Variants in CCDC102B observed in about 807,000 individuals in gnomAD.
CCDC102B encodes the protein coiled-coil domain-containing protein 102B.
A neutral mutation model predicts 57.4 loss-of-function variants in CCDC102B; 75 were observed. The observed-to-expected ratio is 1.31, with a 90% CI of 1.08 to 1.58. The LOEUF is 1.58. CCDC102B is among the 40% of genes most tolerant of loss of function. The pLI is 0.00. For missense variants in CCDC102B, 636 were observed against 582.6 expected, an observed-to-expected ratio of 1.09 and a Z score of -0.94; for synonymous variants, 206 against 201.9, an observed-to-expected ratio of 1.02 and a Z score of -0.17.
At chr18:68,808,647 T>G (rs534243445) in intron 1 of CCDC102B, among the ~76,000 whole-genome samples, 13 of 151,864 alleles carry the variant, frequency 8.6e-5, no homozygotes, top group Non-Finnish European at 1.9e-4. Flanking sequence ...CCGGATAATT[T>G]TTTTGTATTT....
intron 6 of CCDC102B, among the ~76,000 whole-genome samples, chr18:68,936,593 G>T (rs1176187785): frequency 1.3e-5 from 2 of 151,822 alleles, no homozygotes; most frequent in Admixed American, 6.6e-5. Context: ...AATGTATACA[G>T]CATGCTTCCT....
At chr18:68,749,466 C>A (rs1398943557) in intron 2 of CCDC102B, among the ~76,000 whole-genome samples, 2 of 152,120 alleles carry the variant, frequency 1.3e-5, no homozygotes. Flanking sequence ...CAGTGGTTTG[C>A]AGTTCTCCTT....
chr18:68,921,137 T>G (rs2041263675), intron 6 of CCDC102B, among the ~76,000 whole-genome samples: 1 of 152,170 alleles, frequency 6.6e-6, no homozygotes, highest in Non-Finnish European at 1.5e-5. Context: ...ACAGAAACGT[T>G]TAAGGCCTCT....
chr18:68,923,569 C>A (rs1246743188), intron 6 of CCDC102B, among the ~76,000 whole-genome samples: 2 of 152,034 alleles, frequency 1.3e-5, no homozygotes, highest in Non-Finnish European at 2.9e-5. Context: ...TTATCACCCC[C>A]ATTTTGTAGA....
intron 5 of CCDC102B, among the ~76,000 whole-genome samples, chr18:68,880,845 T>C (rs1170778400): frequency 6.6e-6 from 1 of 152,240 alleles, no homozygotes; most frequent in African/African-American, 2.4e-5. Context: ...CAATTATTTC[T>C]AACAGTGATT....
At chr18:68,766,246 TC>T (rs1395598318) in intron 2 of CCDC102B, among the ~76,000 whole-genome samples, 1 of 152,190 alleles carries the variant, frequency 6.6e-6, no homozygotes, top group Non-Finnish European at 1.5e-5. Context: ...TAGGGCTACT[TC>T]TGCTTCTGTG....
chr18:68,942,564 A>T (rs1243091361), intron 6 of CCDC102B, among the ~76,000 whole-genome samples: 1 of 152,044 alleles, frequency 6.6e-6, no homozygotes, highest in East Asian at 1.9e-4. Context: ...AACAAGGTAA[A>T]GAAAAAAATG....
chr18:68,813,774 T>TTATATATATACA, intron 1 of CCDC102B, among the ~76,000 whole-genome samples: 1 of 145,982 alleles, frequency 6.9e-6, no homozygotes, highest in East Asian at 2.0e-4. Context: ...AAATATAATT[T>TTATATATATACA]TATATATATA....
chr18:68,782,341 A>AATATAT (rs139602582), intron 2 of CCDC102B, among the ~76,000 whole-genome samples: 49 of 149,074 alleles, frequency 3.3e-4, no homozygotes, highest in African/African-American at 1.2e-3. Context: ...TCACCTTTCA[A>AATATAT]ATATATATAT....
At chr18:68,882,481 C>T (rs1362312979) in intron 5 of CCDC102B, among the ~76,000 whole-genome samples, 1 of 152,132 alleles carries the variant, frequency 6.6e-6, no homozygotes, top group Non-Finnish European at 1.5e-5. Flanking sequence ...CTACACAATC[C>T]ATTGATTTAT....
Position 68,897,267 on chromosome 18 carries a change from A to G in CCDC102B, c.1102A>G (p.Ile368Val), listed in dbSNP as rs145021931. 1.2e-6 allele frequency: 2 copies of G among 1,613,174 alleles called. No homozygotes were observed. The highest frequency in any genetic ancestry group is 1.3e-5 in the African/African-American group (1 of 74,998). ...TACCTCGGAGTGGGACAAGAGGGAA[A>G]TACTTGAAAGAGAAAAGCAGGGACT... ...ENTSEWDKREILEREKQGLER... is the reference protein window; with the variant it reads ...ENTSEWDKREVLEREKQGLER... The change falls in exon 6 of 8, where the codon ATA (isoleucine) becomes GTA (valine). Residue 368 changes from isoleucine (I) to valine (V), a missense_variant. Physicochemically the swap from Ile to Val is conservative, Grantham distance 29 (BLOSUM62 3). Coordinates refer to ENST00000360242, the MANE Select transcript of CCDC102B (RefSeq NM_024781.3).
intron 2 of CCDC102B, among the ~76,000 whole-genome samples, chr18:68,730,303 T>C (rs2032799822): frequency 6.6e-6 from 1 of 152,190 alleles, no homozygotes; most frequent in Non-Finnish European, 1.5e-5. Flanking sequence ...CCGTGTTTTC[T>C]TTCTCTTAAA....
At chr18:68,911,646 A>G (rs12967577) in intron 6 of CCDC102B, among the ~76,000 whole-genome samples, 40,753 of 140,728 alleles carry the variant, frequency 0.29, 5,649 homozygotes, top group Non-Finnish European at 0.34. Flanking sequence ...CAGCTACTCG[A>G]GAGGCTGAGG....
intron 7 of CCDC102B, among the ~76,000 whole-genome samples, chr18:69,013,314 A>T (rs553141402): frequency 6.6e-6 from 1 of 152,054 alleles, no homozygotes; most frequent in Non-Finnish European, 1.5e-5. Flanking sequence ...CACTTACAAG[A>T]TGGAGATAAA....
rs142256790 is a variant in CCDC102B, at chr18:68,988,067, C to T, written c.1264-22867C>T. ...GGGTATATAGCTGAAAGAATATAAA[C>T]GATTCTATTGTAAAGACACAGGCAC... On this transcript the variant is annotated intron_variant, in intron 6 of 7. Transcript: ENST00000360242. Among the ~76,000 whole-genome samples, 952 of 152,022 alleles carry T rather than the reference C, an allele frequency of 6.3e-3. 6 individuals are homozygous for T. The highest frequency in any genetic ancestry group is 9.7e-3 in the Non-Finnish European group (656 of 67,972).
chr18:68,849,358 C>T (rs900170515), intron 4 of CCDC102B, among the ~76,000 whole-genome samples: 1 of 152,086 alleles, frequency 6.6e-6, no homozygotes, highest in Non-Finnish European at 1.5e-5. Context: ...AACATTGCCT[C>T]TTATTGCTAT....
At chr18:69,014,814 C>G (rs1463936834) in intron 7 of CCDC102B, among the ~76,000 whole-genome samples, 2 of 151,810 alleles carry the variant, frequency 1.3e-5, no homozygotes, top group Non-Finnish European at 2.9e-5. Flanking sequence ...TTCCATAGAA[C>G]TATAGAGTCA....
intron 6 of CCDC102B, among the ~76,000 whole-genome samples, chr18:68,980,115 T>C (rs73467647): frequency 0.034 from 5,194 of 152,002 alleles, 316 homozygotes; most frequent in African/African-American, 0.12. Context: ...CAGGTCCTGG[T>C]TCTTGCTTCC....
At chr18:68,857,744 A>G (rs1335394971) in intron 4 of CCDC102B, among the ~76,000 whole-genome samples, 1 of 152,072 alleles carries the variant, frequency 6.6e-6, no homozygotes, top group South Asian at 2.1e-4. Flanking sequence ...CCAAAACTCC[A>G]AGGAAACTAG....
Sources: allele counts gnomAD v4.1 joint callset (sites outside exome capture counted in the v4.1 genomes callset), GRCh38; gene constraint gnomAD v4.1.1; transcripts MANE v1.5; gene names NCBI Gene and HGNC (gene_info 2026-07-23, HGNC 2026-07-21).